Variants in BRWD1 observed in about 807,000 individuals in gnomAD.
The protein encoded by BRWD1 is bromodomain and WD repeat-containing protein 1.
Under a neutral mutation model 251.2 loss-of-function variants are expected in BRWD1, and 82 were observed. The observed-to-expected ratio is 0.33, with a 90% CI of 0.27 to 0.39. The LOEUF is 0.39. Among genes scored for constraint, BRWD1 ranks in the 10% least tolerant of loss-of-function variants. BRWD1 has a pLI of 1.00. For missense variants in BRWD1, 2,233 were observed against 2,711.6 expected (o/e 0.82, Z 3.92); for synonymous variants, 918 against 902.8 (o/e 1.02, Z -0.30).
At chr21:39,185,224 T>C (rs1258593696), downstream of BRWD1, 1 of 139,008 alleles carries the variant, frequency 7.2e-6, no homozygotes, top group Non-Finnish European at 1.5e-5. Flanking sequence ...TCTCAAATAC[T>C]GACAGAAATT....
At chr21:39,228,009 G>C (rs2033451656) in intron 27 of BRWD1, among the ~76,000 whole-genome samples, 1 of 152,130 alleles carries the variant, frequency 6.6e-6, no homozygotes, top group East Asian at 1.9e-4. Context: ...ACATAATAGG[G>C]CTGGGCACGG....
In BRWD1 at chr21:39,298,124, TTA is replaced by T. The variant is rs1414578945; in HGVS notation, c.349+306_349+307del. 3.9e-6 allele frequency: 4 copies of T among 1,028,188 alleles called. No individual in the cohort carries two copies. In the African/African-American group the frequency reaches 6.8e-5, roughly 17 times the overall value. 63.7% of individuals were successfully genotyped at this position (1,028,188 alleles called of 1,614,324 possible). A position where few individuals can be genotyped will look rare whatever the true frequency, so the allele number is the denominator to read the frequency against. On this transcript the variant is annotated intron_variant, in intron 5 of 40. Coordinates refer to ENST00000342449, the MANE Select transcript of BRWD1 (RefSeq NM_033656.4). ...ACACATACAATTACATTCAATGAAG[TTA>T]TGAGTGAGCTACAAAATGGAAAATT...
intron 40 of BRWD1, among the ~76,000 whole-genome samples, chr21:39,198,167 C>A (rs1200141210): frequency 6.6e-6 from 1 of 152,142 alleles, no homozygotes; most frequent in East Asian, 1.9e-4. Context: ...TTTTATCAAT[C>A]CCCATGTACC....
At chr21:39,279,638 C>CAAAAAAAAA (rs77282416) in intron 9 of BRWD1, among the ~76,000 whole-genome samples, 1 of 66,912 alleles carries the variant, frequency 1.5e-5, no homozygotes, top group African/African-American at 8.5e-5. Context: ...GACTCCATCT[C>CAAAAAAAAA]AAAAAAAAAA....
intron 8 of BRWD1, among the ~76,000 whole-genome samples, chr21:39,285,408 A>G (rs1362714671): frequency 6.6e-6 from 1 of 152,224 alleles, no homozygotes; most frequent in East Asian, 1.9e-4. Flanking sequence ...GTGTTCCATT[A>G]CACAGTAAGG....
chr21:39,254,130 G>C lies in BRWD1; in HGVS notation c.2255+1515C>G, dbSNP rs1305215573. Among the ~76,000 whole-genome samples the C allele has an allele frequency of 2.0e-5, 3 of 152,182 alleles. No individual in the cohort carries two copies. In the East Asian group the frequency reaches 5.8e-4, roughly 29 times the overall value. On this transcript the variant is annotated intron_variant, in intron 19 of 40. Coordinates refer to ENST00000342449, the MANE Select transcript of BRWD1 (RefSeq NM_033656.4). ...AAAAATACAAAATTAGCCAGGCGTG[G>C]TGGCGCATGCCTGTAGTCCCAGCTA...
chr21:39,191,797 G>T lies in BRWD1; in HGVS notation c.*4462C>A, dbSNP rs2031568354. 1.0e-6 allele frequency: 1 copy of T among 985,000 alleles called. No individual in the cohort carries two copies. 61.0% of individuals were successfully genotyped at this position (985,000 alleles called of 1,614,324 possible). ...TCATTTCAGTTAGGTCAATTGGACT[G>T]CCTCTTCTCTTTGGCAGTCTAAAAT... On this transcript the variant is annotated 3_prime_UTR_variant, in exon 41 of 41. Coordinates refer to ENST00000342449, the MANE Select transcript of BRWD1 (RefSeq NM_033656.4).
rs368563847 is a variant in BRWD1 at position 39,293,907 on chromosome 21, C to T, written c.735G>A (p.Ala245=). ...AVNYENTMIA[A]GSCDKIIRVW... ...CTCTAATAATTTTATCACAGCTCCC[C>T]GCAGCAATCATTGTATTCTCATAGT... The change falls in exon 8 of 41, where the codon GCG becomes GCA. Residue 245 remains alanine (A), a synonymous_variant. Transcript: ENST00000342449. The T allele has an allele frequency of 1.4e-3, 2,245 of 1,614,094 alleles. 43 individuals are homozygous for T. The South Asian group carries it at 0.023, about 17-fold the overall frequency.
At chr21:39,206,524 A>G (rs1053108751) in intron 36 of BRWD1, among the ~76,000 whole-genome samples, 5 of 152,226 alleles carry the variant, frequency 3.3e-5, no homozygotes, top group Admixed American at 2.6e-4. Context: ...TTGTGTCTAT[A>G]TGTCAGTGAA....
rs113837624 is a variant in BRWD1 at position 39,195,399 on chromosome 21, T to G, written c.*860A>C. The G allele has an allele frequency of 1.7e-4, 165 of 985,502 alleles. 1 individual carries two copies. In the Middle Eastern group the frequency reaches 3.7e-3, roughly 22 times the overall value. The allele number at this position is 985,502 out of a possible 1,614,324, so 61.0% of individuals were successfully genotyped here. A position where few individuals can be genotyped will look rare whatever the true frequency, so the allele number is the denominator to read the frequency against. On this transcript the variant is annotated 3_prime_UTR_variant, in exon 41 of 41. Coordinates refer to ENST00000342449, the MANE Select transcript of BRWD1 (RefSeq NM_033656.4). ...TAAATCTAAGGCACACGAATTCCTC[T>G]ATTTCACAGAGTAAGATTATGGAAG...
chr21:39,276,863 C>T (rs1023424298), intron 11 of BRWD1, among the ~76,000 whole-genome samples: 1 of 152,142 alleles, frequency 6.6e-6, no homozygotes, highest in Admixed American at 6.5e-5. Context: ...CTCTCAAGTG[C>T]TAATCTGAGT....
intron 4 of BRWD1, 26 bp downstream of exon 4, chr21:39,312,815 G>A (rs757995943): frequency 1.0e-5 from 16 of 1,583,218 alleles, no homozygotes; most frequent in Non-Finnish European, 1.4e-5. Flanking sequence ...CGGAAAACCC[G>A]GGGAGCAAAC....
rs542601604 is a variant in BRWD1, at chr21:39,187,068, A to C, written c.*9191T>G. On this transcript the variant is annotated 3_prime_UTR_variant, in exon 41 of 41. Coordinates refer to ENST00000342449, the MANE Select transcript of BRWD1 (RefSeq NM_033656.4). ...TCCAGGATCTGAACCCCCTTAAAAAAAGCATTTTTCTATTAATATCTTCTA... is the reference window on the plus strand; with the variant it reads ...TCCAGGATCTGAACCCCCTTAAAAACAGCATTTTTCTATTAATATCTTCTA... 1.9e-6 allele frequency: 3 copies of C among 1,591,330 alleles called. No homozygotes were observed. The South Asian group carries it at 3.5e-5, about 19-fold the overall frequency.
intron 15 of BRWD1, among the ~76,000 whole-genome samples, chr21:39,268,377 G>A (rs1462034818): frequency 4.7e-5 from 7 of 150,502 alleles, no homozygotes; most frequent in African/African-American, 1.7e-4. Flanking sequence ...GGAGGCGGAG[G>A]TCGCAGCGAC....
chr21:39,209,844 T>C, intron 36 of BRWD1, 151 bp downstream of exon 36: 1 of 739,388 alleles, frequency 1.4e-6, no homozygotes, highest in Non-Finnish European at 2.0e-6. Flanking sequence ...GAAGCTCTTT[T>C]CTTTATAATA....
chr21:39,314,099 G>C (rs939234748), upstream of BRWD1: 2 of 455,890 alleles, frequency 4.4e-6, no homozygotes, highest in African/African-American at 4.0e-5. Flanking sequence ...CGGACCGGTC[G>C]TCTGGGGCCA....
chr21:39,313,203 G>T lies in BRWD1; in HGVS notation c.108+38C>A, dbSNP rs749261680. On this transcript the variant is annotated intron_variant, in intron 2 of 40. Transcript: ENST00000342449. Reference sequence around the variant, plus strand: ...GACCCCCGGCGGCGGGGACACTGGGGACGCCAAGTCCGCAGCCGCCCGCGG... The same window carrying T: ...GACCCCCGGCGGCGGGGACACTGGGTACGCCAAGTCCGCAGCCGCCCGCGG... 10 of 1,522,680 alleles carry T rather than the reference G, an allele frequency of 6.6e-6. No homozygotes were observed. In the African/African-American group the frequency reaches 8.6e-5, roughly 13 times the overall value. The allele number at this position is 1,522,680 out of a possible 1,614,324, so 94.3% of individuals were successfully genotyped here. A position where few individuals can be genotyped will look rare whatever the true frequency, so the allele number is the denominator to read the frequency against.
intron 27 of BRWD1, among the ~76,000 whole-genome samples, chr21:39,225,969 GTAA>G (rs892273730): frequency 6.6e-4 from 100 of 152,116 alleles, no homozygotes; most frequent in African/African-American, 2.4e-3. Context: ...ACAACTGAAT[GTAA>G]TAATAATAAA....
rs562635717 is a variant in BRWD1 at position 39,281,824 on chromosome 21, C to T, written c.832-1576G>A. The stretch of plus-strand genomic sequence containing the variant: ...CAAAGGTTGCAGCAGGCTGAGATGG[C>T]GCCACTGCACTCCAGCCGGGACAAC... On this transcript the variant is annotated intron_variant, in intron 8 of 40. Coordinates refer to ENST00000342449, the MANE Select transcript of BRWD1 (RefSeq NM_033656.4). Among the ~76,000 whole-genome samples the T allele has an allele frequency of 9.2e-5, 14 of 151,500 alleles. 1 individual carries two copies. Among genetic ancestry groups the T allele is most frequent in the Admixed American group, 3.3e-4 (5 of 15,210 alleles).
Sources: allele counts gnomAD v4.1 joint callset (sites outside exome capture counted in the v4.1 genomes callset), GRCh38; gene constraint gnomAD v4.1.1; transcripts MANE v1.5; gene names NCBI Gene and HGNC (gene_info 2026-07-23, HGNC 2026-07-21).